The following NBAS variants were observed in gnomAD, a reference collection of about 807,000 sequenced individuals.
NBAS encodes the protein NBAS subunit of NRZ tethering complex.
In NBAS, 219 loss-of-function variants were observed where a neutral mutation model predicts 302.5. The ratio of observed to expected loss-of-function variants is 0.72; its 90% confidence interval spans 0.65 to 0.81. The LOEUF is 0.81. NBAS is among the 30% of genes least tolerant of loss of function. NBAS has a pLI of 0.00. For missense variants in NBAS, 2,932 were observed against 2,841.6 expected, an observed-to-expected ratio of 1.03 and a Z score of -0.72; for synonymous variants, 1,118 against 1,021.6, an observed-to-expected ratio of 1.09 and a Z score of -1.80.
intron 46 of NBAS, 94 bp downstream of exon 46, chr2:15,234,451 T>C: frequency 7.5e-7 from 1 of 1,328,550 alleles, no homozygotes; most frequent in Non-Finnish European, 1.1e-6. Flanking sequence ...CCTTCAAAAC[T>C]TATAAAATGC....
the NBAS span, among the ~76,000 whole-genome samples, chr2:15,111,518 C>A: frequency 6.6e-6 from 1 of 152,046 alleles, no homozygotes; most frequent in South Asian, 2.1e-4. Flanking sequence ...CCATTTCTTG[C>A]AAATTTATTG....
chr2:15,352,306 T>C (rs1375110786), intron 34 of NBAS, among the ~76,000 whole-genome samples: 2 of 152,216 alleles, frequency 1.3e-5, no homozygotes, highest in African/African-American at 2.4e-5. Flanking sequence ...TACAATGTAA[T>C]GAATTGTTAC....
the NBAS span, among the ~76,000 whole-genome samples, chr2:14,791,319 GA>G: frequency 2.0e-5 from 3 of 152,156 alleles, no homozygotes; most frequent in Non-Finnish European, 2.9e-5. Flanking sequence ...CAATCTTTGA[GA>G]AATTTATCCC....
the NBAS span, among the ~76,000 whole-genome samples, chr2:14,785,908 C>T: frequency 6.6e-6 from 1 of 152,172 alleles, no homozygotes. Flanking sequence ...ACCAGTTCCT[C>T]CTTGTACCTC....
chr2:15,020,673 G>T, the NBAS span, among the ~76,000 whole-genome samples: 3 of 152,182 alleles, frequency 2.0e-5, no homozygotes, highest in African/African-American at 4.8e-5. Context: ...GAAAGAGGAA[G>T]ATTGGAAACA....
chr2:15,545,474 C>G (rs1664067451), intron 6 of NBAS, among the ~76,000 whole-genome samples: 1 of 152,108 alleles, frequency 6.6e-6, no homozygotes, highest in African/African-American at 2.4e-5. Flanking sequence ...AAAACCGATA[C>G]AGGGGACGTC....
the NBAS span, among the ~76,000 whole-genome samples, chr2:15,160,875 A>G: frequency 1.3e-5 from 2 of 152,220 alleles, no homozygotes; most frequent in South Asian, 4.1e-4. Flanking sequence ...TGAGGATGAT[A>G]AAAGTTCTAT....
At chr2:15,004,551 G>C in the NBAS span, among the ~76,000 whole-genome samples, 4 of 152,094 alleles carry the variant, frequency 2.6e-5, no homozygotes, top group Admixed American at 6.6e-5. Flanking sequence ...GTCCAGACTG[G>C]GGTGCAGTGG....
the NBAS span, among the ~76,000 whole-genome samples, chr2:14,973,388 C>T: frequency 1.2e-3 from 179 of 152,214 alleles, no homozygotes; most frequent in African/African-American, 3.9e-3. Context: ...AAATGACAAT[C>T]CAGGAATACT....
the NBAS span, among the ~76,000 whole-genome samples, chr2:14,965,076 A>G: frequency 6.6e-6 from 1 of 152,132 alleles, no homozygotes; most frequent in Admixed American, 6.5e-5. Context: ...CCTGCATTAG[A>G]AAAGAATACA....
At chr2:14,966,052 A>G in the NBAS span, among the ~76,000 whole-genome samples, 2 of 152,214 alleles carry the variant, frequency 1.3e-5, no homozygotes, top group South Asian at 2.1e-4. Context: ...ACGGAGGCAG[A>G]GGTTGGAGTA....
intron 47 of NBAS, among the ~76,000 whole-genome samples, chr2:15,227,490 A>G (rs376996371): frequency 7.3e-4 from 110 of 150,088 alleles, no homozygotes; most frequent in Non-Finnish European, 1.2e-3. Context: ...ACAGAAACAG[A>G]AAAAAAAAAT....
chr2:15,439,881 C>G (rs550937542), intron 21 of NBAS, among the ~76,000 whole-genome samples: 1 of 152,360 alleles, frequency 6.6e-6, no homozygotes, highest in East Asian at 1.9e-4. Context: ...GAGGGTCCTA[C>G]GTCCACGGAG....
intron 16 of NBAS, among the ~76,000 whole-genome samples, chr2:15,469,797 T>C (rs1468809225): frequency 3.2e-5 from 4 of 124,446 alleles, no homozygotes. Flanking sequence ...TGAGAACACA[T>C]GGACACAGGG....
chr2:14,874,896 C>T, the NBAS span, among the ~76,000 whole-genome samples: 2 of 151,792 alleles, frequency 1.3e-5, no homozygotes, highest in African/African-American at 4.8e-5. Flanking sequence ...ACTAAAAAAA[C>T]AAAACTCATT....
At chr2:15,265,737 T>C (rs1054185546) in intron 44 of NBAS, among the ~76,000 whole-genome samples, 10 of 152,290 alleles carry the variant, frequency 6.6e-5, no homozygotes, top group African/African-American at 2.4e-4. Flanking sequence ...TATTTGTACT[T>C]TATAGTACAG....
At chr2:15,305,667 G>A (rs369483413) in intron 40 of NBAS, among the ~76,000 whole-genome samples, 199 of 152,052 alleles carry the variant, frequency 1.3e-3, no homozygotes, top group Non-Finnish European at 2.4e-3. Flanking sequence ...GGCTGGTCTC[G>A]AACTCCTGAC....
At chr2:14,850,016 TC>T in the NBAS span, among the ~76,000 whole-genome samples, 1 of 138,906 alleles carries the variant, frequency 7.2e-6, no homozygotes, top group East Asian at 1.9e-4. Flanking sequence ...AGAAACTGCA[TC>T]AACTAACGAG....
chr2:15,005,669 C>G, the NBAS span, among the ~76,000 whole-genome samples: 4 of 152,194 alleles, frequency 2.6e-5, no homozygotes, highest in Non-Finnish European at 5.9e-5. Flanking sequence ...ATTCTCTTAT[C>G]AAAGAAAGCT....
Sources: gnomAD v4.1 joint callset for allele counts (sites outside exome capture counted in the v4.1 genomes callset) on GRCh38, gnomAD v4.1.1 for gene constraint, MANE v1.5 for transcripts, NCBI Gene and HGNC (gene_info 2026-07-23, HGNC 2026-07-21) for gene names.